TENM1: variants seen among roughly 807,000 people sequenced by gnomAD.
The protein encoded by TENM1 is teneurin-1.
A neutral mutation model predicts 174.8 loss-of-function variants in TENM1; 35 were observed. The ratio of observed to expected loss-of-function variants is 0.20; its 90% confidence interval spans 0.15 to 0.27. TENM1 has a LOEUF of 0.27. Ranked by LOEUF, TENM1 falls within the 10% of genes least tolerant of loss-of-function variation. TENM1 has a pLI of 1.00. For synonymous variants in TENM1, 781 were observed against 798.7 expected (o/e 0.98, Z 0.37); for missense variants, 1,633 against 2,130.1 (o/e 0.77, Z 4.59).
At chrX:124,593,677 T>C (rs1210761407) in intron 11 of TENM1, among the ~76,000 whole-genome samples, 1 of 110,506 alleles carries the variant, frequency 9.0e-6, no homozygotes, top group African/African-American at 3.3e-5. Flanking sequence ...TGGGGTGGAG[T>C]GGAGAGGGCT....
intron 23 of TENM1, among the ~76,000 whole-genome samples, chrX:124,431,407 C>T (rs1043956578): frequency 4.5e-5 from 5 of 111,882 alleles, no homozygotes; most frequent in Non-Finnish European, 9.4e-5. Context: ...TTCCAGGAAG[C>T]GTATGATTAT....
chrX:124,705,865 G>A (rs1225305202), intron 4 of TENM1, among the ~76,000 whole-genome samples: 2 of 110,898 alleles, frequency 1.8e-5, no homozygotes, highest in Admixed American at 9.6e-5. Flanking sequence ...TCAGTTTTTA[G>A]TTTTTTGTTT....
the TENM1 span, among the ~76,000 whole-genome samples, chrX:125,153,546 A>C: frequency 8.9e-6 from 1 of 112,242 alleles, no homozygotes; most frequent in African/African-American, 3.2e-5. Context: ...ATCCCATCTA[A>C]CATTTGTAGA....
chrX:124,612,101 C>T (rs1025475743), intron 11 of TENM1, among the ~76,000 whole-genome samples: 4 of 111,509 alleles, frequency 3.6e-5, no homozygotes, highest in Non-Finnish European at 7.5e-5. Flanking sequence ...CTAGTTTTTA[C>T]GAAGAACATT....
chrX:125,053,146 C>T, the TENM1 span, among the ~76,000 whole-genome samples: 1 of 111,844 alleles, frequency 8.9e-6, no homozygotes, highest in East Asian at 2.8e-4. Context: ...ATTTATTGTG[C>T]TCTAGTTTAC....
At chrX:124,400,383 C>T (rs978170147) in intron 27 of TENM1, among the ~76,000 whole-genome samples, 1 of 111,704 alleles carries the variant, frequency 9.0e-6, no homozygotes, top group African/African-American at 3.3e-5. Flanking sequence ...TGTGTTCAAC[C>T]GAGCTTGTTT....
chrX:124,954,044 T>A, intron 1 of TENM1, among the ~76,000 whole-genome samples: 1 of 112,273 alleles, frequency 8.9e-6, no homozygotes. Flanking sequence ...AGCTAAAGAA[T>A]GTCCACAAAG....
intron 3 of TENM1, among the ~76,000 whole-genome samples, chrX:124,791,860 G>C (rs1159076694): frequency 9.0e-6 from 1 of 111,169 alleles, no homozygotes; most frequent in Non-Finnish European, 1.9e-5. Flanking sequence ...GTGCATAATT[G>C]CGTGTGTGTG....
At chrX:125,075,668 T>A in the TENM1 span, among the ~76,000 whole-genome samples, 5 of 111,466 alleles carry the variant, frequency 4.5e-5, no homozygotes, top group African/African-American at 1.6e-4. Context: ...ACACTCTTCA[T>A]AGGAACCCTA....
chrX:124,526,826 C>T (rs1405490038), intron 16 of TENM1, among the ~76,000 whole-genome samples: 1 of 112,111 alleles, frequency 8.9e-6, no homozygotes, highest in African/African-American at 3.2e-5. Context: ...TCAAAGGGAA[C>T]CCTCTCTTCA....
At chrX:124,592,262 G>A (rs1312209591) in intron 11 of TENM1, among the ~76,000 whole-genome samples, 1 of 111,229 alleles carries the variant, frequency 9.0e-6, no homozygotes, top group Non-Finnish European at 1.9e-5. Context: ...AGGAACCATT[G>A]CTGGACTTGC....
intron 1 of TENM1, among the ~76,000 whole-genome samples, chrX:124,897,226 T>A (rs1010960583): frequency 9.0e-6 from 1 of 111,558 alleles, no homozygotes; most frequent in African/African-American, 3.3e-5. Flanking sequence ...AAAGATGATT[T>A]AACAATTGCT....
intron 23 of TENM1, among the ~76,000 whole-genome samples, chrX:124,446,478 A>C (rs1056174796): frequency 8.9e-6 from 1 of 112,471 alleles, no homozygotes; most frequent in Non-Finnish European, 1.9e-5. Flanking sequence ...TATAGGACTT[A>C]ATGATCTGCT....
chrX:124,776,538 T>G (rs1386833957), intron 3 of TENM1, among the ~76,000 whole-genome samples: 1 of 112,138 alleles, frequency 8.9e-6, no homozygotes, highest in Admixed American at 9.5e-5. Flanking sequence ...ATGAAAGGTA[T>G]CTACAAAAGT....
chrX:124,505,973 G>A (rs1372920511), intron 18 of TENM1, among the ~76,000 whole-genome samples: 1 of 111,706 alleles, frequency 9.0e-6, no homozygotes, highest in Non-Finnish European at 1.9e-5. Context: ...GGAAAAATCA[G>A]GTGGTTAGAG....
At chrX:124,452,769 A>G (rs2147846191) in intron 23 of TENM1, among the ~76,000 whole-genome samples, 1 of 107,302 alleles carries the variant, frequency 9.3e-6, no homozygotes, top group Admixed American at 1.0e-4. Context: ...CGCAAGGACA[A>G]AAAACCAAAC....
In TENM1 at chrX:124,780,909, TTC is replaced by T. The variant is rs1304778501; in HGVS notation, c.536-43714_536-43713del. Among the ~76,000 whole-genome samples the T allele has an allele frequency of 3.6e-5, 4 of 111,590 alleles. No homozygotes were observed. In the East Asian group the frequency reaches 1.1e-3, roughly 31 times the overall value. ...TGCTGCTGCATTGGAAAGACCTTTC[TTC>T]TCTCTCTTTCATCTTTAGTTTGTGT... On this transcript the variant is annotated intron_variant, in intron 3 of 31. Transcript: ENST00000422452.
chrX:124,466,073 A>G (rs947395799), intron 22 of TENM1, among the ~76,000 whole-genome samples: 6 of 111,756 alleles, frequency 5.4e-5, no homozygotes, highest in African/African-American at 2.0e-4. Context: ...TGACATCAGT[A>G]AAATAAATAT....
intron 21 of TENM1, among the ~76,000 whole-genome samples, chrX:124,484,001 G>T (rs1475860357): frequency 8.9e-6 from 1 of 111,886 alleles, no homozygotes; most frequent in East Asian, 2.8e-4. Context: ...TCCCATCCAC[G>T]ATAACAAATT....
Sources: allele counts gnomAD v4.1 joint callset (sites outside exome capture counted in the v4.1 genomes callset), GRCh38; gene constraint gnomAD v4.1.1; transcripts MANE v1.5; gene names NCBI Gene and HGNC (gene_info 2026-07-23, HGNC 2026-07-21).